The following RYR2 variants were observed in gnomAD, a reference collection of about 807,000 sequenced individuals.
RYR2 encodes the protein ryanodine receptor 2, also known as cardiac muscle ryanodine receptor-calcium release channel.
A neutral mutation model predicts 601.1 loss-of-function variants in RYR2; 227 were observed. That is an observed-to-expected ratio of 0.38 (90% CI 0.34 to 0.42). The LOEUF (loss-of-function observed/expected upper bound fraction) is 0.42. Among genes scored for constraint, RYR2 ranks in the 10% least tolerant of loss-of-function variants. RYR2 has a pLI of 1.00. For synonymous variants in RYR2, 2,223 were observed against 2,175.1 expected (o/e 1.02, Z -0.61); for missense variants, 4,646 against 6,156.5 (o/e 0.75, Z 8.21).
chr1:237,820,855 G>A (rs1662410350), intron 101 of RYR2, among the ~76,000 whole-genome samples: 1 of 152,146 alleles, frequency 6.6e-6, no homozygotes, highest in Admixed American at 6.5e-5. Flanking sequence ...ATCTGCCATT[G>A]CTGAGGCATG....
intron 73 of RYR2, among the ~76,000 whole-genome samples, chr1:237,722,388 T>C (rs1183876791): frequency 6.6e-6 from 1 of 152,138 alleles, no homozygotes; most frequent in Non-Finnish European, 1.5e-5. Flanking sequence ...TACTAGATGA[T>C]AAATTTCATG....
chr1:237,632,675 C>T (rs948566565), intron 42 of RYR2, among the ~76,000 whole-genome samples: 1 of 151,968 alleles, frequency 6.6e-6, no homozygotes, highest in African/African-American at 2.4e-5. Context: ...GGATTACAGG[C>T]GTGAGCCACC....
At chr1:237,606,973 G>A (rs956688986) in intron 35 of RYR2, among the ~76,000 whole-genome samples, 23 of 152,226 alleles carry the variant, frequency 1.5e-4, no homozygotes, top group African/African-American at 5.5e-4. Context: ...CACACTGTTG[G>A]TGGGACTGTA....
chr1:237,412,231 A>G (rs1448489927), intron 10 of RYR2, among the ~76,000 whole-genome samples: 1 of 152,152 alleles, frequency 6.6e-6, no homozygotes, highest in Non-Finnish European at 1.5e-5. Context: ...AGTGGACAAT[A>G]TTATAATACT....
intron 58 of RYR2, among the ~76,000 whole-genome samples, chr1:237,669,021 C>CG (rs1684582333): frequency 6.6e-6 from 1 of 151,370 alleles, no homozygotes. Flanking sequence ...GAGGACCCTG[C>CG]GGCCTTCCGC....
At chr1:237,640,796 A>G (rs1271275919) in intron 46 of RYR2, 101 bp from the exon 47 acceptor site, 1 of 885,260 alleles carries the variant, frequency 1.1e-6, no homozygotes, top group Non-Finnish European at 1.8e-6. Context: ...CAGAAAAATA[A>G]TGTGTTACCT....
chr1:237,323,612 G>T (rs778522409), intron 2 of RYR2, among the ~76,000 whole-genome samples: 146 of 152,168 alleles, frequency 9.6e-4, no homozygotes, highest in Non-Finnish European at 1.4e-3. Context: ...GCATGTCAAG[G>T]AGCAAAATGA....
At chr1:237,275,703 A>T (rs1174288703) in intron 2 of RYR2, among the ~76,000 whole-genome samples, 1 of 152,214 alleles carries the variant, frequency 6.6e-6, no homozygotes, top group Non-Finnish European at 1.5e-5. Flanking sequence ...CCTTATAGAG[A>T]TATGTCAAAA....
At chr1:237,822,575 A>G (rs1349395111) in intron 101 of RYR2, among the ~76,000 whole-genome samples, 1 of 152,238 alleles carries the variant, frequency 6.6e-6, no homozygotes, top group African/African-American at 2.4e-5. Flanking sequence ...CTGCAAAAAC[A>G]TACCAGATTG....
intron 32 of RYR2, 108 bp downstream of exon 32, chr1:237,591,961 TGTC>T: frequency 2.4e-6 from 2 of 826,470 alleles, no homozygotes; most frequent in Non-Finnish European, 3.7e-6. Flanking sequence ...ATTTTTAAAA[TGTC>T]TGTTTCTGTT....
intron 1 of RYR2, among the ~76,000 whole-genome samples, chr1:237,060,540 C>A (rs34249406): frequency 0.19 from 29,135 of 152,072 alleles, 2,878 homozygotes; most frequent in African/African-American, 0.21. Flanking sequence ...GTTACCATTA[C>A]CTGCAAGCCT....
chr1:237,194,198 G>A (rs946259103), intron 1 of RYR2, among the ~76,000 whole-genome samples: 8 of 152,154 alleles, frequency 5.3e-5, no homozygotes, highest in Non-Finnish European at 1.0e-4. Flanking sequence ...TGAGTTCCTT[G>A]GCTTCTACTG....
chr1:237,828,263 A>G, intron 101 of RYR2, 118 bp from the exon 102 acceptor site: 3 of 641,692 alleles, frequency 4.7e-6, no homozygotes, highest in East Asian at 2.8e-5. Flanking sequence ...CACGTTTACC[A>G]TGTTCTGAGC....
chr1:237,814,965 CTTTTTT>C (rs11314213), intron 100 of RYR2, among the ~76,000 whole-genome samples: 107 of 93,932 alleles, frequency 1.1e-3, no homozygotes, highest in Middle Eastern at 6.9e-3. Flanking sequence ...TTTCTTTTTT[CTTTTTT>C]TTTTTTTTTT....
intron 1 of RYR2, among the ~76,000 whole-genome samples, chr1:237,143,050 A>T (rs778286959): frequency 9.9e-5 from 15 of 152,184 alleles, no homozygotes; most frequent in Non-Finnish European, 1.9e-4. Flanking sequence ...TAAACTTAAC[A>T]TTCACAGTTT....
intron 80 of RYR2, among the ~76,000 whole-genome samples, chr1:237,743,981 AC>A (rs1558327962): frequency 1.3e-5 from 2 of 152,166 alleles, no homozygotes; most frequent in Admixed American, 6.5e-5. Context: ...GTTTTTCAAC[AC>A]CAGTTTTATT....
chr1:237,091,975 G>A (rs185888636), intron 1 of RYR2, among the ~76,000 whole-genome samples: 2 of 152,340 alleles, frequency 1.3e-5, no homozygotes, highest in Non-Finnish European at 2.9e-5. Flanking sequence ...GTTAAAAATG[G>A]AGAGATGTTT....
chr1:237,384,593 G>A (rs1701819830), intron 8 of RYR2, among the ~76,000 whole-genome samples: 1 of 152,202 alleles, frequency 6.6e-6, no homozygotes, highest in South Asian at 2.1e-4. Flanking sequence ...TCCCCAAATG[G>A]TTTACAAAAA....
chr1:237,400,140 G>T (rs1045061404), intron 10 of RYR2, among the ~76,000 whole-genome samples: 1 of 152,100 alleles, frequency 6.6e-6, no homozygotes, highest in African/African-American at 2.4e-5. Context: ...TTGAAAAACT[G>T]TAGTTGTCAA....
Sources: allele counts gnomAD v4.1 joint callset (sites outside exome capture counted in the v4.1 genomes callset), GRCh38; gene constraint gnomAD v4.1.1; transcripts MANE v1.5; gene names NCBI Gene and HGNC (gene_info 2026-07-23, HGNC 2026-07-21).